SLC20A2: variants seen among roughly 807,000 people sequenced by gnomAD.
The protein encoded by SLC20A2 is solute carrier family 20 member 2.
In SLC20A2, 30 loss-of-function variants were observed where a neutral mutation model predicts 61.0. The observed-to-expected ratio is 0.49, with a 90% CI of 0.37 to 0.67. SLC20A2 has a LOEUF of 0.67. Ranked by LOEUF, SLC20A2 falls within the 30% of genes least tolerant of loss-of-function variation. The pLI is 0.00. For synonymous variants in SLC20A2, 351 were observed against 353.3 expected (o/e 0.99, Z 0.07); for missense variants, 626 against 866.4 (o/e 0.72, Z 3.48).
intron 1 of SLC20A2, among the ~76,000 whole-genome samples, chr8:42,519,618 A>G (rs890301407): frequency 3.9e-5 from 6 of 152,050 alleles, no homozygotes; most frequent in Non-Finnish European, 8.8e-5. Context: ...CTCTTTTTCT[A>G]ACTTCTTACA....
intron 2 of SLC20A2, among the ~76,000 whole-genome samples, chr8:42,467,921 CTTT>C (rs557237374): frequency 6.9e-6 from 1 of 144,274 alleles, no homozygotes; most frequent in Non-Finnish European, 1.5e-5. Flanking sequence ...GGTTTATATT[CTTT>C]TTTTTTTTTT....
At chr8:42,488,593 A>C (rs1809241388) in intron 1 of SLC20A2, among the ~76,000 whole-genome samples, 1 of 152,116 alleles carries the variant, frequency 6.6e-6, no homozygotes, top group Non-Finnish European at 1.5e-5. Context: ...GGTCATTCTA[A>C]TTTTAAGTTT....
chr8:42,426,953 G>C (rs939794842), intron 10 of SLC20A2, among the ~76,000 whole-genome samples: 1 of 152,232 alleles, frequency 6.6e-6, no homozygotes, highest in Admixed American at 6.5e-5. Flanking sequence ...GTGGAGTCCA[G>C]AGAAGATGTC....
intron 10 of SLC20A2, 66 bp from the exon 11 acceptor site, chr8:42,418,033 A>G (rs1435212092): frequency 1.2e-5 from 16 of 1,367,966 alleles, no homozygotes; most frequent in Non-Finnish European, 1.6e-5. Context: ...ACCAATGTAC[A>G]TGGGCTAATC....
At chr8:42,475,875 G>C (rs1400999857) in intron 1 of SLC20A2, among the ~76,000 whole-genome samples, 1 of 152,020 alleles carries the variant, frequency 6.6e-6, no homozygotes, top group African/African-American at 2.4e-5. Flanking sequence ...TGATTTAAGA[G>C]AACTGCAGCG....
intron 5 of SLC20A2, among the ~76,000 whole-genome samples, chr8:42,458,951 C>CG (rs1331860200): frequency 1.5e-5 from 2 of 134,228 alleles, no homozygotes; most frequent in African/African-American, 5.4e-5. Context: ...CCCCCCCCCC[C>CG]ACAAAAAACC....
At chr8:42,505,259 C>T (rs989920097), upstream of SLC20A2, among the ~76,000 whole-genome samples, 9 of 152,124 alleles carry the variant, frequency 5.9e-5, no homozygotes, top group African/African-American at 2.2e-4. Flanking sequence ...TAGGTGTGCA[C>T]CACCACACCT....
chr8:42,438,078 A>C (rs7831819), intron 7 of SLC20A2, among the ~76,000 whole-genome samples: 1,541 of 146,334 alleles, frequency 0.011, 37 homozygotes, highest in African/African-American at 0.036. Flanking sequence ...AAAAAAAAAA[A>C]AAAAAAAAAA....
chr8:42,498,630 G>T (rs772632761), intron 1 of SLC20A2, among the ~76,000 whole-genome samples: 12 of 152,116 alleles, frequency 7.9e-5, no homozygotes, highest in Non-Finnish European at 1.6e-4. Context: ...CCTTCCTCCT[G>T]AGGGCCATAT....
intron 1 of SLC20A2, chr8:42,538,222 C>T (rs566704408): frequency 8.8e-4 from 131 of 148,234 alleles, no homozygotes; most frequent in Admixed American, 2.4e-3. Context: ...TGTATATATA[C>T]ATGTATATTA....
intron 9 of SLC20A2, among the ~76,000 whole-genome samples, 184 bp downstream of exon 9, chr8:42,429,880 C>G (rs1803713771): frequency 1.3e-5 from 2 of 152,154 alleles, no homozygotes; most frequent in Admixed American, 6.5e-5. Flanking sequence ...GGGGGCCGGG[C>G]ACAGTAAGGG....
At chr8:42,539,783 G>C (rs1378896561) in intron 1 of SLC20A2, among the ~76,000 whole-genome samples, 1 of 152,190 alleles carries the variant, frequency 6.6e-6, no homozygotes, top group Non-Finnish European at 1.5e-5. Context: ...TCCTAGCATA[G>C]CCTGTTCACT....
chr8:42,499,270 A>G (rs1435890732), intron 1 of SLC20A2, among the ~76,000 whole-genome samples: 2 of 152,178 alleles, frequency 1.3e-5, no homozygotes, highest in African/African-American at 2.4e-5. Context: ...TTGTCGCCCA[A>G]GGTCATAACC....
At chr8:42,446,101 A>C (rs1805191896) in intron 5 of SLC20A2, among the ~76,000 whole-genome samples, 1 of 152,222 alleles carries the variant, frequency 6.6e-6, no homozygotes, top group Non-Finnish European at 1.5e-5. Flanking sequence ...GATTACAGGC[A>C]TGAGCCACCT....
Position 42,437,378 on chromosome 8 carries a change from C to T in SLC20A2, c.1134G>A (p.Arg378=). The T allele has an allele frequency of 1.2e-6, 2 of 1,614,164 alleles. No homozygotes were observed. Among genetic ancestry groups the T allele is most frequent in the Non-Finnish European group, 1.7e-6 (2 of 1,180,024 alleles). ...EEKPAQESNY[R]LLRRNNSYTC... The stretch of plus-strand genomic sequence containing the variant: ...TGTAACTGTTGTTTCGGCGCAGCAG[C>T]CGGTAGTTGCTTTCCTGGGCTGGCT... Residue 378 remains arginine (R), a synonymous_variant, in exon 8 of 11, where the codon CGG becomes CGA. Coordinates refer to ENST00000520262, the MANE Select transcript of SLC20A2 (RefSeq NM_001257180.2). The surrounding 1 kb of genome is among the most constrained non-coding windows in gnomAD (Gnocchi z 6.4).
intron 8 of SLC20A2, among the ~76,000 whole-genome samples, chr8:42,430,724 G>A (rs536356649): frequency 2.2e-4 from 34 of 152,288 alleles, no homozygotes; most frequent in South Asian, 2.1e-3. Flanking sequence ...CAAGTCCGCT[G>A]GAGCGACTTT....
At chr8:42,495,926 T>A (rs1809892387) in intron 1 of SLC20A2, among the ~76,000 whole-genome samples, 1 of 152,148 alleles carries the variant, frequency 6.6e-6, no homozygotes, top group African/African-American at 2.4e-5. Flanking sequence ...ATTTTTGTAT[T>A]TTTGGTAGAG....
chr8:42,521,598 T>C (rs1811623772), intron 1 of SLC20A2, among the ~76,000 whole-genome samples: 1 of 120,358 alleles, frequency 8.3e-6, no homozygotes, highest in Non-Finnish European at 2.0e-5. Flanking sequence ...CAAGTGATGC[T>C]CCCACCTCAG....
chr8:42,441,400 C>A (rs970193128), intron 6 of SLC20A2, among the ~76,000 whole-genome samples: 1 of 151,730 alleles, frequency 6.6e-6, no homozygotes, highest in East Asian at 1.9e-4. Context: ...GATCCGCCCA[C>A]CTCGGCCTCC....
Sources: gnomAD v4.1 joint callset for allele counts (sites outside exome capture counted in the v4.1 genomes callset) on GRCh38, gnomAD v4.1.1 for gene constraint, Gnocchi (gnomAD v3.1) non-coding constraint, MANE v1.5 for transcripts, NCBI Gene and HGNC (gene_info 2026-07-23, HGNC 2026-07-21) for gene names.